C3orf70: variants seen among roughly 807,000 people sequenced by gnomAD.
The protein encoded by C3orf70 is chromosome 3 open reading frame 70.
C3orf70 carries 15 observed loss-of-function variants against 20.7 expected under a neutral mutation model. The observed-to-expected ratio is 0.72, with a 90% CI of 0.48 to 1.11. The LOEUF (loss-of-function observed/expected upper bound fraction) is 1.11, where lower values mean the gene tolerates loss of function less well. Ranked by LOEUF, C3orf70 falls within the 50% of genes most tolerant of loss-of-function variation. The pLI, the probability that C3orf70 is intolerant of heterozygous loss-of-function variation, is 0.00. For synonymous variants in C3orf70, 161 were observed against 125.7 expected (o/e 1.28, Z -1.88); for missense variants, 332 against 317.6 (o/e 1.05, Z -0.34).
chr3:185,147,363 T>C (rs555015694), intron 1 of C3orf70, among the ~76,000 whole-genome samples: 14 of 152,242 alleles, frequency 9.2e-5, no homozygotes, highest in South Asian at 2.1e-4. Context: ...TGAATGTCAC[T>C]TCCTATCACA....
Position 185,108,136 on chromosome 3 carries a change from A to T in C3orf70, c.197-24573T>A, listed in dbSNP as rs1374164554. ...AGCTGACTTTGTAAGTATTCTTGAT[A>T]ATCATTTTCTTAAAACTGTTTCAGT... On this transcript the variant is annotated intron_variant, in intron 1 of 1. Coordinates refer to ENST00000335012, the MANE Select transcript of C3orf70 (RefSeq NM_001025266.3). Among the ~76,000 whole-genome samples the T allele has an allele frequency of 2.6e-5, 4 of 152,246 alleles. 1 individual carries two copies. In the South Asian group the frequency reaches 8.3e-4, roughly 32 times the overall value.
At chr3:185,106,847 A>C (rs911464551) in intron 1 of C3orf70, among the ~76,000 whole-genome samples, 6 of 152,244 alleles carry the variant, frequency 3.9e-5, no homozygotes, top group African/African-American at 1.4e-4. Context: ...ATTTAAAAGG[A>C]GTGCAAACAC....
chr3:185,121,642 GGAGA>G (rs1158781671), intron 1 of C3orf70, among the ~76,000 whole-genome samples: 1 of 152,186 alleles, frequency 6.6e-6, no homozygotes, highest in Non-Finnish European at 1.5e-5. Context: ...GAAGAGTAGA[GGAGA>G]GAGAGTGTAA....
intron 1 of C3orf70, among the ~76,000 whole-genome samples, chr3:185,110,304 G>T (rs1716043663): frequency 6.6e-6 from 1 of 152,228 alleles, no homozygotes. Context: ...TGACCTTAAT[G>T]CCAGGAACTG....
intron 1 of C3orf70, among the ~76,000 whole-genome samples, chr3:185,095,307 C>T (rs13434076): frequency 0.044 from 6,669 of 152,142 alleles, 458 homozygotes; most frequent in African/African-American, 0.15. Context: ...AAATCCCTAT[C>T]GGGGGAGGGG....
chr3:185,140,626 G>A (rs940185308), intron 1 of C3orf70, among the ~76,000 whole-genome samples: 1 of 151,804 alleles, frequency 6.6e-6, no homozygotes, highest in Non-Finnish European at 1.5e-5. Context: ...TGAGGGTAGA[G>A]CCCTCATGAA....
chr3:185,084,179 T>C (rs1319287028), intron 1 of C3orf70, among the ~76,000 whole-genome samples: 2 of 149,642 alleles, frequency 1.3e-5, no homozygotes, highest in Admixed American at 6.6e-5. Context: ...TGAGACCCTG[T>C]CTCAAAAAAA....
chr3:185,141,019 C>T (rs1248534099), intron 1 of C3orf70, among the ~76,000 whole-genome samples: 1 of 151,592 alleles, frequency 6.6e-6, no homozygotes, highest in African/African-American at 2.4e-5. Context: ...GTGCTCTATC[C>T]CTCTTTCCAC....
chr3:185,106,805 G>A (rs912865092), intron 1 of C3orf70, among the ~76,000 whole-genome samples: 3 of 152,236 alleles, frequency 2.0e-5, no homozygotes, highest in South Asian at 2.1e-4. Context: ...CAGCAGGGAC[G>A]ATAGGATTAC....
intron 1 of C3orf70, among the ~76,000 whole-genome samples, chr3:185,131,893 G>C (rs1021245347): frequency 1.3e-5 from 2 of 152,184 alleles, no homozygotes; most frequent in Non-Finnish European, 2.9e-5. Context: ...TATCATCAGT[G>C]TAAGAGTAAA....
intron 1 of C3orf70, among the ~76,000 whole-genome samples, chr3:185,134,896 C>G (rs1716591598): frequency 6.6e-6 from 1 of 152,080 alleles, no homozygotes; most frequent in South Asian, 2.1e-4. Flanking sequence ...CACTCCCACC[C>G]AGAGATACCA....
intron 1 of C3orf70, among the ~76,000 whole-genome samples, chr3:185,133,482 C>T (rs1577332278): frequency 6.6e-6 from 1 of 152,226 alleles, no homozygotes; most frequent in East Asian, 1.9e-4. Context: ...GTGGCTCATG[C>T]CTATAATCCC....
intron 1 of C3orf70, among the ~76,000 whole-genome samples, chr3:185,116,937 C>G (rs550432204): frequency 6.6e-6 from 1 of 152,154 alleles, no homozygotes; most frequent in South Asian, 2.1e-4. Context: ...CACCACCATG[C>G]CCGGCTAATT....
chr3:185,135,015 C>CT (rs1716594440), intron 1 of C3orf70, among the ~76,000 whole-genome samples: 1 of 151,966 alleles, frequency 6.6e-6, no homozygotes, highest in Non-Finnish European at 1.5e-5. Flanking sequence ...GAATGGTATC[C>CT]CAAAAAAGCC....
intron 1 of C3orf70, among the ~76,000 whole-genome samples, chr3:185,119,269 G>A (rs1030080478): frequency 6.6e-6 from 1 of 152,148 alleles, no homozygotes; most frequent in African/African-American, 2.4e-5. Context: ...GTACAAACTT[G>A]CAGTTTTAAG....
intron 1 of C3orf70, among the ~76,000 whole-genome samples, chr3:185,110,547 G>GCCCCCC (rs543519113): frequency 6.6e-6 from 1 of 151,022 alleles, no homozygotes; most frequent in African/African-American, 2.5e-5. Context: ...TTAGGAGCAG[G>GCCCCCC]CCCCCCCTCA....
At chr3:185,113,973 G>C (rs1177377462) in intron 1 of C3orf70, among the ~76,000 whole-genome samples, 1 of 152,236 alleles carries the variant, frequency 6.6e-6, no homozygotes, top group African/African-American at 2.4e-5. Context: ...GCCGAGGTGG[G>C]TGGATCACCT....
chr3:185,152,924 C>G lies in C3orf70; in HGVS notation c.-101G>C. The G allele has an allele frequency of 8.5e-7, 1 of 1,182,830 alleles. No individual in the cohort carries two copies. The highest frequency in any genetic ancestry group is 1.1e-6 in the Non-Finnish European group (1 of 897,364). The allele number at this position is 1,182,830 out of a possible 1,614,324, so 73.3% of individuals were successfully genotyped here. A position where few individuals can be genotyped will look rare whatever the true frequency, so the allele number is the denominator to read the frequency against. On this transcript the variant is annotated 5_prime_UTR_variant, in exon 1 of 2. Transcript: ENST00000335012. The stretch of plus-strand genomic sequence containing the variant: ...GCTGCGGACGCGGGAGGGCGCGGCA[C>G]GGGCCGGGAGTCACGCCAGCACGCG...
intron 1 of C3orf70, among the ~76,000 whole-genome samples, chr3:185,111,690 A>G (rs149899845): frequency 6.1e-4 from 93 of 152,312 alleles, no homozygotes; most frequent in African/African-American, 2.2e-3. Flanking sequence ...AGAGGACCCC[A>G]GGATCTCTGG....
Sources: allele counts gnomAD v4.1 joint callset (sites outside exome capture counted in the v4.1 genomes callset), GRCh38; gene constraint gnomAD v4.1.1; transcripts MANE v1.5; gene names NCBI Gene and HGNC (gene_info 2026-07-23, HGNC 2026-07-21).